The following CNTN4 variants were observed in gnomAD, a reference collection of about 807,000 sequenced individuals.
CNTN4 encodes the protein contactin 4, also known as contactin-4.
A neutral mutation model predicts 122.5 loss-of-function variants in CNTN4; 77 were observed. The ratio of observed to expected loss-of-function variants is 0.63; its 90% CI spans 0.52 to 0.76. The LOEUF is 0.76. Among genes scored for constraint, CNTN4 ranks in the 30% least tolerant of loss-of-function variants. CNTN4 has a pLI of 0.00. For synonymous variants in CNTN4, 512 were observed against 447.0 expected, an observed-to-expected ratio of 1.15 and a Z score of -1.83; for missense variants, 1,256 against 1,259.1, an observed-to-expected ratio of 1.00 and a Z score of 0.04.
At chr3:2,670,926 A>G (rs2084474019) in intron 4 of CNTN4, among the ~76,000 whole-genome samples, 1 of 152,082 alleles carries the variant, frequency 6.6e-6, no homozygotes, top group African/African-American at 2.4e-5. Context: ...TTGGCCCCCC[A>G]CTCTCTTCTG....
At chr3:2,849,060 A>G (rs566746282) in intron 7 of CNTN4, among the ~76,000 whole-genome samples, 2 of 152,252 alleles carry the variant, frequency 1.3e-5, no homozygotes, top group East Asian at 3.8e-4. Context: ...GTTGCACCCC[A>G]GGATCCCATC....
chr3:3,021,848 G>T (rs983393568), intron 14 of CNTN4, among the ~76,000 whole-genome samples: 12 of 152,196 alleles, frequency 7.9e-5, no homozygotes, highest in African/African-American at 2.9e-4. Context: ...GGGAGGCCAA[G>T]GCGGGAGGAT....
At chr3:2,276,655 C>G (rs1186600386) in intron 2 of CNTN4, among the ~76,000 whole-genome samples, 1 of 152,116 alleles carries the variant, frequency 6.6e-6, no homozygotes, top group African/African-American at 2.4e-5. Flanking sequence ...AAGTCATTTG[C>G]TCTTTTAAAA....
At chr3:2,708,727 T>TCTCTCACACACACACACA (rs1214979217) in intron 4 of CNTN4, among the ~76,000 whole-genome samples, 2 of 150,894 alleles carry the variant, frequency 1.3e-5, no homozygotes, top group African/African-American at 4.9e-5. Flanking sequence ...CACGCGCGCA[T>TCTCTCACACACACACACA]CACACACACA....
At chr3:2,844,356 G>A (rs1172631749) in intron 7 of CNTN4, among the ~76,000 whole-genome samples, 1 of 152,112 alleles carries the variant, frequency 6.6e-6, no homozygotes, top group Non-Finnish European at 1.5e-5. Flanking sequence ...TTATGTTAAG[G>A]TCACCATAGA....
chr3:2,657,058 A>G (rs1264445475), intron 4 of CNTN4, among the ~76,000 whole-genome samples: 3 of 152,338 alleles, frequency 2.0e-5, no homozygotes, highest in East Asian at 1.9e-4. Flanking sequence ...AAATTATGCA[A>G]TGGGACAGCC....
intron 2 of CNTN4, among the ~76,000 whole-genome samples, chr3:2,336,310 C>T (rs929417497): frequency 5.9e-5 from 9 of 151,936 alleles, no homozygotes; most frequent in Non-Finnish European, 8.8e-5. Context: ...TTTCTTTTCT[C>T]CTAGTAAATA....
chr3:2,873,020 C>A (rs2093803874), intron 8 of CNTN4, among the ~76,000 whole-genome samples: 1 of 152,016 alleles, frequency 6.6e-6, no homozygotes, highest in African/African-American at 2.4e-5. Context: ...AAGCTTTCAC[C>A]CAGTAGGAAA....
chr3:2,775,956 T>C (rs1022623610), intron 6 of CNTN4, among the ~76,000 whole-genome samples: 2 of 152,220 alleles, frequency 1.3e-5, no homozygotes, highest in Non-Finnish European at 2.9e-5. Context: ...GAAGTATTGC[T>C]CTTCAGCCCG....
rs2087012097 is a variant in CNTN4 at position 2,709,851 on chromosome 3, G to T, written c.56-26364G>T. On this transcript the variant is annotated intron_variant, in intron 4 of 24. Transcript: ENST00000418658. The surrounding 1 kb of genome is among the most constrained non-coding windows in gnomAD (Gnocchi z 5.0). ...GCCCGGGAGTCCAGCAGTGAGCTGA[G>T]ACTGCGCCACTGCACTCCAGCCTGG... 6.6e-6 allele frequency among the ~76,000 whole-genome samples: 1 copy of T among 152,032 alleles called. No individual in the cohort carries two copies. Among genetic ancestry groups the T allele is most frequent in the South Asian group, 2.1e-4 (1 of 4,830 alleles).
intron 2 of CNTN4, among the ~76,000 whole-genome samples, chr3:2,255,654 A>T (rs945424231): frequency 6.6e-6 from 1 of 152,196 alleles, no homozygotes; most frequent in African/African-American, 2.4e-5. Flanking sequence ...CCGCACAACT[A>T]CATGGAAACT....
intron 4 of CNTN4, among the ~76,000 whole-genome samples, chr3:2,588,134 G>A (rs1402059346): frequency 6.6e-6 from 1 of 151,930 alleles, no homozygotes; most frequent in Non-Finnish European, 1.5e-5. Flanking sequence ...GTAAAAAGTA[G>A]CCGTAAAGAT....
intron 2 of CNTN4, among the ~76,000 whole-genome samples, chr3:2,175,576 G>C (rs1476559572): frequency 6.6e-6 from 1 of 152,154 alleles, no homozygotes; most frequent in Non-Finnish European, 1.5e-5. Context: ...GAAGCAGAAG[G>C]TCAGAGACAG....
chr3:2,470,982 T>C (rs557875177), intron 3 of CNTN4, among the ~76,000 whole-genome samples: 1 of 152,322 alleles, frequency 6.6e-6, no homozygotes, highest in South Asian at 2.1e-4. Context: ...TGGCACATGT[T>C]CATGAAAAAT....
chr3:2,754,170 G>A (rs564902654), intron 6 of CNTN4, among the ~76,000 whole-genome samples: 3 of 152,080 alleles, frequency 2.0e-5, no homozygotes, highest in Non-Finnish European at 2.9e-5. Flanking sequence ...GAGCTTCCCA[G>A]AGAATAATCT....
chr3:2,159,480 G>A (rs1468266940), intron 2 of CNTN4, among the ~76,000 whole-genome samples: 1 of 152,132 alleles, frequency 6.6e-6, no homozygotes, highest in Non-Finnish European at 1.5e-5. Context: ...AGAATTGCAG[G>A]GGTCTCTGAG....
chr3:2,530,809 C>T (rs1316102073), intron 3 of CNTN4, among the ~76,000 whole-genome samples: 2 of 152,124 alleles, frequency 1.3e-5, no homozygotes, highest in African/African-American at 2.4e-5. Flanking sequence ...AAATGTCATT[C>T]AGCCAAGAAG....
chr3:2,714,935 A>G (rs1669856818), intron 4 of CNTN4, among the ~76,000 whole-genome samples: 1 of 152,154 alleles, frequency 6.6e-6, no homozygotes, highest in Non-Finnish European at 1.5e-5. Context: ...TGGTTGGGCA[A>G]CTTGCTTTGG....
chr3:2,716,067 C>G (rs753867807), intron 4 of CNTN4, among the ~76,000 whole-genome samples: 3 of 152,194 alleles, frequency 2.0e-5, no homozygotes. Context: ...TGGGCTCAAA[C>G]GATCCTCCTG....
Sources: allele counts gnomAD v4.1 joint callset (sites outside exome capture counted in the v4.1 genomes callset), GRCh38; gene constraint gnomAD v4.1.1; non-coding constraint Gnocchi (gnomAD v3.1); transcripts MANE v1.5; gene names NCBI Gene and HGNC (gene_info 2026-07-23, HGNC 2026-07-21).